Variants in DLC1 observed in about 807,000 individuals in gnomAD.
DLC1 encodes the protein rho GTPase-activating protein 7.
DLC1 carries 54 observed loss-of-function variants against 140.3 expected under a neutral mutation model. The observed-to-expected ratio is 0.38, with a 90% CI of 0.31 to 0.48. DLC1 has a LOEUF of 0.48. Ranked by LOEUF, DLC1 falls within the 20% of genes least tolerant of loss-of-function variation. DLC1 has a pLI of 0.96. For missense variants in DLC1, 2,536 were observed against 1,907.0 expected (o/e 1.33, Z -6.14); for synonymous variants, 986 against 728.1 (o/e 1.35, Z -5.70).
chr8:13,353,717 C>G (rs961541528), intron 4 of DLC1, among the ~76,000 whole-genome samples: 4 of 152,108 alleles, frequency 2.6e-5, no homozygotes, highest in South Asian at 2.1e-4. Flanking sequence ...GTTAGCCAGG[C>G]CTGTTGGCAG....
intron 5 of DLC1, among the ~76,000 whole-genome samples, chr8:13,287,440 CAATCACCATA>C (rs148379797): frequency 0.018 from 2,772 of 152,170 alleles, 37 homozygotes; most frequent in Non-Finnish European, 0.029. Flanking sequence ...TTAAAGAAAT[CAATCACCATA>C]AATAGTTTGG....
At chr8:13,116,236 G>A (rs1275118095) in intron 5 of DLC1, 50 of 985,308 alleles carry the variant, frequency 5.1e-5, no homozygotes, top group Non-Finnish European at 5.7e-5. Flanking sequence ...TGGAGGGCAC[G>A]AAGTCAGTAA....
At chr8:13,324,588 A>AAT (rs1833264371) in intron 4 of DLC1, among the ~76,000 whole-genome samples, 1 of 151,794 alleles carries the variant, frequency 6.6e-6, no homozygotes, top group South Asian at 2.1e-4. Context: ...AAAAAAAAAA[A>AAT]AGATTTTAAG....
At chr8:13,422,413 T>C (rs79567374) in intron 2 of DLC1, among the ~76,000 whole-genome samples, 2 of 151,816 alleles carry the variant, frequency 1.3e-5, no homozygotes, top group African/African-American at 4.9e-5. Flanking sequence ...TTTTTTTTTT[T>C]CTTACCAATG....
chr8:13,260,031 T>G (rs912522353), intron 5 of DLC1, among the ~76,000 whole-genome samples: 3 of 152,122 alleles, frequency 2.0e-5, no homozygotes, highest in Non-Finnish European at 4.4e-5. Context: ...GGGATCATGG[T>G]ACATTTGTTA....
chr8:13,300,568 G>C (rs1832149330), intron 5 of DLC1, among the ~76,000 whole-genome samples: 1 of 152,144 alleles, frequency 6.6e-6, no homozygotes, highest in African/African-American at 2.4e-5. Flanking sequence ...AGAAAGGAGG[G>C]AAGTCCTTTG....
At chr8:13,409,797 A>G (rs1294228955) in intron 2 of DLC1, among the ~76,000 whole-genome samples, 1 of 152,170 alleles carries the variant, frequency 6.6e-6, no homozygotes, top group African/African-American at 2.4e-5. Context: ...GTAGTTTTCA[A>G]TAGCGGCAGA....
At chr8:13,309,759 C>G (rs545094282) in intron 4 of DLC1, among the ~76,000 whole-genome samples, 1 of 152,090 alleles carries the variant, frequency 6.6e-6, no homozygotes, top group Non-Finnish European at 1.5e-5. Flanking sequence ...TCACACCAAC[C>G]GCACAGAAGC....
At chr8:13,211,288 G>A (rs909400673) in intron 5 of DLC1, among the ~76,000 whole-genome samples, 8 of 152,120 alleles carry the variant, frequency 5.3e-5, no homozygotes, top group Non-Finnish European at 7.3e-5. Context: ...AATGCACAAG[G>A]GCTACTCTGT....
chr8:13,418,313 G>A (rs901678018), intron 2 of DLC1, among the ~76,000 whole-genome samples: 1 of 152,140 alleles, frequency 6.6e-6, no homozygotes, highest in Non-Finnish European at 1.5e-5. Context: ...GAATGGTAAT[G>A]CCTAGGTTTT....
intron 2 of DLC1, among the ~76,000 whole-genome samples, chr8:13,480,384 A>G (rs962957812): frequency 1.1e-4 from 17 of 152,188 alleles, no homozygotes; most frequent in African/African-American, 4.1e-4. Context: ...AAACAGGAAC[A>G]AAATAGAAAG....
rs141226704 is a variant in DLC1 at position 13,543,463 on chromosome 8, T to C, written c.-125-43267A>G. ...CCAGTAGGAGGATTGTTGGATCAAA[T>C]TGTAGATCTATTTTTAGTTCTTTGG... is the stretch of plus-strand genomic sequence containing the variant. On this transcript the variant is annotated intron_variant, in intron 1 of 1. Transcript: ENST00000631382. 2.6e-3 allele frequency among the ~76,000 whole-genome samples: 402 copies of C among 152,086 alleles called. 4 individuals are homozygous for C. The highest frequency in any genetic ancestry group is 9.2e-3 in the African/African-American group (382 of 41,458).
At chr8:13,372,865 T>C (rs1210214461) in intron 4 of DLC1, among the ~76,000 whole-genome samples, 1 of 152,152 alleles carries the variant, frequency 6.6e-6, no homozygotes, top group Non-Finnish European at 1.5e-5. Flanking sequence ...ATAATAAATG[T>C]TCTTTGGAAT....
chr8:13,485,042 A>G (rs1800903995), intron 2 of DLC1, among the ~76,000 whole-genome samples: 1 of 152,230 alleles, frequency 6.6e-6, no homozygotes, highest in Non-Finnish European at 1.5e-5. Flanking sequence ...TTTGAAATAT[A>G]GAACAACAAT....
chr8:13,540,259 A>G (rs966214), intron 1 of DLC1, among the ~76,000 whole-genome samples: 25,523 of 152,056 alleles, frequency 0.17, 2,229 homozygotes, highest in East Asian at 0.23. Flanking sequence ...AAAATTCATT[A>G]TGATCATTTC....
In DLC1 at chr8:13,089,837, C is replaced by T. The variant is rs146958201; in HGVS notation, c.4074+415G>A. On this transcript the variant is annotated intron_variant, in intron 15 of 17. Coordinates refer to ENST00000276297, the MANE Select transcript of DLC1 (RefSeq NM_182643.3). ...AGTCCTAACTGGAGTTAATTTCCCC[C>T]TAAGGGATCCCCGCTCATTAAAGGG... 5.3e-5 allele frequency among the ~76,000 whole-genome samples: 8 copies of T among 152,272 alleles called. No homozygotes were observed. The East Asian group carries it at 1.5e-3, about 29-fold the overall frequency.
chr8:13,419,140 T>C (rs1287189490), intron 2 of DLC1, among the ~76,000 whole-genome samples: 2 of 152,218 alleles, frequency 1.3e-5, no homozygotes, highest in African/African-American at 4.8e-5. Flanking sequence ...TTTCTAGATA[T>C]ACAATCATGT....
intron 5 of DLC1, among the ~76,000 whole-genome samples, chr8:13,237,785 T>G (rs1361569864): frequency 6.6e-6 from 1 of 152,148 alleles, no homozygotes; most frequent in East Asian, 1.9e-4. Context: ...CTGACCACAC[T>G]GTGGAAATGT....
chr8:13,443,835 CTT>C (rs1478030375), intron 2 of DLC1, among the ~76,000 whole-genome samples: 1 of 152,058 alleles, frequency 6.6e-6, no homozygotes, highest in East Asian at 1.9e-4. Flanking sequence ...TATGGCATGT[CTT>C]TGCTATTAGG....
Sources: gnomAD v4.1 joint callset for allele counts (sites outside exome capture counted in the v4.1 genomes callset) on GRCh38, gnomAD v4.1.1 for gene constraint, MANE v1.5 for transcripts, NCBI Gene and HGNC (gene_info 2026-07-23, HGNC 2026-07-21) for gene names.